Variants in UTP20 observed in about 807,000 individuals in gnomAD.
UTP20 encodes the protein UTP20 small subunit processome component.
In UTP20, 164 loss-of-function variants were observed where a neutral mutation model predicts 329.5. The ratio of observed to expected loss-of-function variants is 0.50; its 90% CI spans 0.44 to 0.57. The LOEUF (loss-of-function observed/expected upper bound fraction) is 0.57. UTP20 is among the 20% of genes least tolerant of loss of function. The probability of loss-of-function intolerance (pLI) is 0.00; values close to 1 mark genes in which losing one functional copy is unlikely to be tolerated. For missense variants in UTP20, 3,055 were observed against 3,284.2 expected, an observed-to-expected ratio of 0.93 and a Z score of 1.71; for synonymous variants, 1,151 against 1,159.3, an observed-to-expected ratio of 0.99 and a Z score of 0.14.
At chr12:101,325,045 T>A (rs1361102945) in intron 25 of UTP20, among the ~76,000 whole-genome samples, 1 of 152,204 alleles carries the variant, frequency 6.6e-6, no homozygotes, top group East Asian at 1.9e-4. Context: ...TCTTGTATTT[T>A]CTCTATTAAA....
At position 101,285,573 on chromosome 12, in the gene UTP20, G is replaced by T; in HGVS notation, c.130G>T (p.Val44Phe). 1 of 1,613,632 alleles carries T rather than the reference G, an allele frequency of 6.2e-7. No homozygotes were observed. Among genetic ancestry groups the T allele is most frequent in the Non-Finnish European group, 8.5e-7 (1 of 1,179,788 alleles). ...TGGACTGCTTTAATCTTGACAGGAGGTTGAAACCTACTTTTTTGAGGGTCT... is the reference window on the plus strand; with the variant it reads ...TGGACTGCTTTAATCTTGACAGGAGTTTGAAACCTACTTTTTTGAGGGTCT... The part of the protein sequence containing the change: ...IDRTASYEEE[V>F]ETYFFEGLLK... The change falls in exon 3 of 62, where the codon GTT becomes TTT. Residue 44 changes from valine (V) to phenylalanine (F), a missense_variant. Val to Phe is a conservative substitution (Grantham distance 50). Coordinates refer to ENST00000261637, the MANE Select transcript of UTP20 (RefSeq NM_014503.3).
intron 36 of UTP20, 136 bp from the exon 37 acceptor site, chr12:101,345,418 C>T (rs1029000937): frequency 3.2e-6 from 2 of 620,650 alleles, no homozygotes; most frequent in Non-Finnish European, 2.7e-6. Context: ...AACTCCTGGG[C>T]TCAAGCAATC....
intron 2 of UTP20, among the ~76,000 whole-genome samples, chr12:101,282,793 G>A (rs969822256): frequency 3.3e-5 from 5 of 152,144 alleles, no homozygotes; most frequent in African/African-American, 7.2e-5. Context: ...CCAGTTGTGA[G>A]GATTTGACTG....
At chr12:101,346,799 C>T (rs767090149) in intron 38 of UTP20, among the ~76,000 whole-genome samples, 2 of 152,264 alleles carry the variant, frequency 1.3e-5, no homozygotes, top group Middle Eastern at 3.4e-3. Flanking sequence ...TATTAGCTCA[C>T]AAAGGCCGAG....
Position 101,342,819 on chromosome 12 carries a change from T to C in UTP20, c.4278T>C (p.Tyr1426=). 1 of 1,613,556 alleles carries C rather than the reference T, an allele frequency of 6.2e-7. No homozygotes were observed. The highest frequency in any genetic ancestry group is 8.5e-7 in the Non-Finnish European group (1 of 1,179,698). The change falls in exon 34 of 62, where the codon TAT becomes TAC. Residue 1426 remains tyrosine (Y), a synonymous_variant. Coordinates refer to ENST00000261637, the MANE Select transcript of UTP20 (RefSeq NM_014503.3). The stretch of plus-strand genomic sequence containing the variant: ...CTGATTTTGAGAGTGGGTTAAAATA[T>C]ATTACTGATGTTGTCAAGGTAAGAA... ...TLSDFESGLK[Y]ITDVVKLNAF... is the part of the protein sequence containing the mutation.
rs551581009 is a variant in UTP20 at position 101,348,135 on chromosome 12, T to C, written c.4884+1547T>C. On this transcript the variant is annotated intron_variant, in intron 38 of 61. Transcript: ENST00000261637. ...TGAGCCACCACGCCCGGCTGGTATA[T>C]CCTTTTCTAGCCTTATATTTTTAAC... Among the ~76,000 whole-genome samples, 36 of 152,300 alleles carry C rather than the reference T, an allele frequency of 2.4e-4. No individual in the cohort carries two copies. The South Asian group carries it at 7.0e-3, about 30-fold the overall frequency.
At chr12:101,378,530 C>T (rs1253615124) in intron 56 of UTP20, among the ~76,000 whole-genome samples, 1 of 152,012 alleles carries the variant, frequency 6.6e-6, no homozygotes, top group Non-Finnish European at 1.5e-5. Context: ...ACCAGCCTGA[C>T]CAACATGATG....
chr12:101,292,444 T>G (rs1040656326), intron 10 of UTP20, among the ~76,000 whole-genome samples: 5 of 152,138 alleles, frequency 3.3e-5, no homozygotes, highest in African/African-American at 1.2e-4. Flanking sequence ...CTGCAGGTTT[T>G]GATAGTTGTT....
intron 41 of UTP20, among the ~76,000 whole-genome samples, 184 bp from the exon 42 acceptor site, chr12:101,356,370 C>T (rs563050436): frequency 2.0e-5 from 3 of 152,222 alleles, no homozygotes; most frequent in Non-Finnish European, 4.4e-5. Flanking sequence ...AGGTGATCCG[C>T]CCACCTTGGC....
chr12:101,352,456 A>G (rs1025275392), intron 39 of UTP20, among the ~76,000 whole-genome samples: 1 of 152,166 alleles, frequency 6.6e-6, no homozygotes, highest in Non-Finnish European at 1.5e-5. Flanking sequence ...CTAGTTCTAG[A>G]TCCCTGAGGA....
At chr12:101,312,391 T>C in intron 21 of UTP20, 115 bp downstream of exon 21, 1 of 1,401,436 alleles carries the variant, frequency 7.1e-7, no homozygotes, top group Non-Finnish European at 9.6e-7. Context: ...TTCTTTCTGC[T>C]TCCAATCATC....
Position 101,285,832 on chromosome 12 carries a change from A to G in UTP20, c.277A>G (p.Lys93Glu), listed in dbSNP as rs1360665519. Residue 93 changes from lysine (K) to glutamate (E), a missense_variant, in exon 4 of 62, where the codon AAG (lysine) becomes GAG (glutamate). Transcript: ENST00000261637. The stretch of plus-strand genomic sequence containing the variant: ...CCAAAACGAGATAGTTCAGAGTTTG[A>G]AGACTCACCTGCAAGTTAAGAACAG... ...YHQNEIVQSLKTHLQVKNSFA... is the reference protein window; with the variant it reads ...YHQNEIVQSLETHLQVKNSFA... 6.2e-7 allele frequency: 1 copy of G among 1,613,894 alleles called. No homozygotes were observed. Among genetic ancestry groups the G allele is most frequent in the East Asian group, 2.2e-5 (1 of 44,826 alleles).
chr12:101,364,573 C>T (rs888741546), intron 45 of UTP20, among the ~76,000 whole-genome samples: 15 of 152,124 alleles, frequency 9.9e-5, no homozygotes, highest in Non-Finnish European at 1.6e-4. Flanking sequence ...CATTCTGCCT[C>T]CTGAAGATCA....
chr12:101,349,341 C>CT (rs990805810), intron 38 of UTP20, among the ~76,000 whole-genome samples: 1 of 149,288 alleles, frequency 6.7e-6, no homozygotes, highest in Non-Finnish European at 1.5e-5. Context: ...GATTCTTGTG[C>CT]TTGGGGTTCA....
At chr12:101,352,410 T>C (rs1381922241) in intron 39 of UTP20, among the ~76,000 whole-genome samples, 1 of 152,204 alleles carries the variant, frequency 6.6e-6, no homozygotes, top group Non-Finnish European at 1.5e-5. Flanking sequence ...TTTGGGTATA[T>C]ACCCAGTAAT....
rs150082822 is a variant in UTP20, at chr12:101,338,190, A to G, written c.3781A>G (p.Asn1261Asp). 2.3e-4 allele frequency: 372 copies of G among 1,614,146 alleles called. No homozygotes were observed. The highest frequency in any genetic ancestry group is 9.9e-4 in the Middle Eastern group (6 of 6,060). ...AATGGACATAGTTGATGACCTTCTT[A>G]ACCTTCCAGATTTCGAGCCTACAGA... Reference protein sequence around the residue: ...IVMDIVDDLLNLPDFEPTETV... With the variant: ...IVMDIVDDLLDLPDFEPTETV... Residue 1261 changes from asparagine to aspartate, a missense_variant, in exon 30 of 62, where the codon AAC (asparagine) becomes GAC (aspartate). Physicochemically the swap from Asn to Asp is conservative, Grantham distance 23 (BLOSUM62 1). Coordinates refer to ENST00000261637, the MANE Select transcript of UTP20 (RefSeq NM_014503.3).
At chr12:101,303,279 C>G (rs1302512412) in intron 15 of UTP20, among the ~76,000 whole-genome samples, 2 of 152,204 alleles carry the variant, frequency 1.3e-5, no homozygotes, top group Non-Finnish European at 2.9e-5. Context: ...GTAGCTAATG[C>G]TCTAGCCAGA....
intron 12 of UTP20, among the ~76,000 whole-genome samples, chr12:101,297,056 G>A (rs992738884): frequency 6.6e-6 from 1 of 152,052 alleles, no homozygotes; most frequent in South Asian, 2.1e-4. Flanking sequence ...GCTTTGAGGC[G>A]GAATTGATGG....
chr12:101,359,157 G>T (rs1286840905), intron 43 of UTP20, among the ~76,000 whole-genome samples: 4 of 152,008 alleles, frequency 2.6e-5, no homozygotes, highest in African/African-American at 9.7e-5. Flanking sequence ...TCCACTTCTC[G>T]GGTTCAAGCA....
Sources: allele counts gnomAD v4.1 joint callset (sites outside exome capture counted in the v4.1 genomes callset), GRCh38; gene constraint gnomAD v4.1.1; transcripts MANE v1.5; gene names NCBI Gene and HGNC (gene_info 2026-07-23, HGNC 2026-07-21).